MAGI2: variants seen among roughly 807,000 people sequenced by gnomAD.
MAGI2 encodes the protein membrane associated guanylate kinase, WW and PDZ domain containing 2, also known as membrane-associated guanylate kinase, WW and PDZ domain-containing protein 2.
MAGI2 carries 35 observed loss-of-function variants against 133.3 expected under a neutral mutation model. The ratio of observed to expected loss-of-function variants is 0.26; its 90% confidence interval spans 0.20 to 0.35. The LOEUF (loss-of-function observed/expected upper bound fraction) is 0.35, where lower values mean the gene tolerates loss of function less well. Ranked by LOEUF, MAGI2 falls within the 10% of genes least tolerant of loss-of-function variation. The pLI, the probability that MAGI2 is intolerant of heterozygous loss-of-function variation, is 1.00. For synonymous variants in MAGI2, 729 were observed against 710.6 expected, an observed-to-expected ratio of 1.03 and a Z score of -0.41; for missense variants, 1,636 against 1,863.4, an observed-to-expected ratio of 0.88 and a Z score of 2.25.
chr7:78,527,022 A>AG (rs1201989414), intron 3 of MAGI2, among the ~76,000 whole-genome samples: 1,872 of 148,422 alleles, frequency 0.013, 25 homozygotes, highest in African/African-American at 0.019. Context: ...AAAAAAAAAA[A>AG]AAAAAAAAAA....
intron 1 of MAGI2, chr7:79,353,303 T>A: frequency 2.7e-6 from 1 of 371,508 alleles, no homozygotes; most frequent in South Asian, 2.0e-5. Flanking sequence ...CCTGAACACA[T>A]TCACGATGAA....
chr7:78,937,527 A>C (rs1180829114), intron 2 of MAGI2, among the ~76,000 whole-genome samples: 1 of 152,178 alleles, frequency 6.6e-6, no homozygotes, highest in Non-Finnish European at 1.5e-5. Context: ...TACTTATCAA[A>C]GAGGAAAATG....
chr7:78,619,801 A>G (rs944778990), intron 3 of MAGI2, among the ~76,000 whole-genome samples: 3 of 151,970 alleles, frequency 2.0e-5, no homozygotes, highest in African/African-American at 4.8e-5. Context: ...CTGGCATTAT[A>G]AAACCTTAAA....
chr7:78,275,768 A>AACTGGCAGTCAGTTAACTG (rs1376971139), intron 9 of MAGI2, among the ~76,000 whole-genome samples: 1 of 152,214 alleles, frequency 6.6e-6, no homozygotes, highest in Non-Finnish European at 1.5e-5. Context: ...GACTGGATAT[A>AACTGGCAGTCAGTTAACTG]CCAGTTAACT....
Position 78,481,851 on chromosome 7 carries a change from T to C in MAGI2, c.1045+7910A>G, listed in dbSNP as rs78121071. ...AAAAAAATTGGGACCTGGGGCTAGATTGAAGAGTTCTTAGACTTGATACCA... is the reference window on the plus strand; with the variant it reads ...AAAAAAATTGGGACCTGGGGCTAGACTGAAGAGTTCTTAGACTTGATACCA... On this transcript the variant is annotated intron_variant, in intron 6 of 21. Transcript: ENST00000354212. 8.2e-3 allele frequency among the ~76,000 whole-genome samples: 1,253 copies of C among 151,988 alleles called. 31 individuals are homozygous for C. In the East Asian group the frequency reaches 0.09, roughly 11 times the overall value.
intron 2 of MAGI2, among the ~76,000 whole-genome samples, chr7:78,784,514 A>G (rs753140631): frequency 5.3e-5 from 8 of 152,226 alleles, no homozygotes. Flanking sequence ...GGGGTTGGCC[A>G]TAAAGACATT....
intron 6 of MAGI2, among the ~76,000 whole-genome samples, chr7:78,424,902 A>T (rs1799143585): frequency 6.6e-6 from 1 of 152,110 alleles, no homozygotes; most frequent in South Asian, 2.1e-4. Flanking sequence ...GACAGAAGGG[A>T]CTTGTCTTGT....
chr7:78,387,182 T>C (rs978351270), intron 6 of MAGI2, among the ~76,000 whole-genome samples: 5 of 152,202 alleles, frequency 3.3e-5, no homozygotes, highest in African/African-American at 1.2e-4. Flanking sequence ...TCTGCTCAAG[T>C]GGAGATGTAA....
intron 1 of MAGI2, among the ~76,000 whole-genome samples, chr7:79,197,966 G>C (rs77497957): frequency 1.3e-5 from 2 of 151,912 alleles, no homozygotes; most frequent in Non-Finnish European, 2.9e-5. Flanking sequence ...TAGCAAGAGG[G>C]CTGGGGGTGG....
At chr7:78,209,090 C>G (rs1434049252) in intron 10 of MAGI2, among the ~76,000 whole-genome samples, 3 of 130,664 alleles carry the variant, frequency 2.3e-5, no homozygotes, top group African/African-American at 8.0e-5. Context: ...GGCGTGGTGG[C>G]GGGCGCCTGT....
intron 1 of MAGI2, among the ~76,000 whole-genome samples, chr7:79,049,280 T>A (rs934987429): frequency 6.6e-6 from 1 of 152,148 alleles, no homozygotes; most frequent in South Asian, 2.1e-4. Flanking sequence ...ATAAGACTTT[T>A]TTTTCCCCCT....
intron 1 of MAGI2, among the ~76,000 whole-genome samples, chr7:79,162,027 ATT>A (rs1444799846): frequency 1.3e-5 from 2 of 152,010 alleles, no homozygotes; most frequent in African/African-American, 4.8e-5. Flanking sequence ...TTGCACACTA[ATT>A]GGTCTTGCTA....
At chr7:79,397,613 T>C (rs1845153611) in intron 1 of MAGI2, among the ~76,000 whole-genome samples, 2 of 152,144 alleles carry the variant, frequency 1.3e-5, no homozygotes, top group African/African-American at 4.8e-5. Context: ...AACCAGCTTT[T>C]AGTATTAACA....
intron 6 of MAGI2, among the ~76,000 whole-genome samples, chr7:78,449,223 A>G (rs1260373948): frequency 6.6e-6 from 1 of 151,964 alleles, no homozygotes; most frequent in Non-Finnish European, 1.5e-5. Flanking sequence ...AAGGAGTGGG[A>G]CAAGAGAGTT....
intron 6 of MAGI2, 67 bp downstream of exon 6, chr7:78,489,694 C>T (rs947392584): frequency 8.4e-7 from 1 of 1,195,384 alleles, no homozygotes; most frequent in Admixed American, 1.8e-5. Context: ...AGGTGAGACT[C>T]TCATTTAAGA....
chr7:78,127,162 G>A, intron 19 of MAGI2, 35 bp downstream of exon 19: 1 of 1,479,934 alleles, frequency 6.8e-7, no homozygotes, highest in Non-Finnish European at 9.1e-7. Flanking sequence ...TGGAAGCCTT[G>A]GTCAGGACCC....
At chr7:78,818,234 T>C (rs1185715523) in intron 2 of MAGI2, among the ~76,000 whole-genome samples, 1 of 152,220 alleles carries the variant, frequency 6.6e-6, no homozygotes, top group African/African-American at 2.4e-5. Context: ...AAGTACCTTA[T>C]ATATAACAAA....
chr7:79,294,165 G>A (rs1474808613), intron 1 of MAGI2, among the ~76,000 whole-genome samples: 3 of 139,794 alleles, frequency 2.1e-5, no homozygotes, highest in East Asian at 2.1e-4. Flanking sequence ...GCAACAGAGT[G>A]AGACTCCGTC....
intron 10 of MAGI2, among the ~76,000 whole-genome samples, chr7:78,243,468 A>T (rs1209129594): frequency 6.6e-6 from 1 of 152,320 alleles, no homozygotes; most frequent in East Asian, 1.9e-4. Context: ...TTATCTGTGC[A>T]GTTTAAAAAT....
Sources: gnomAD v4.1 joint callset for allele counts (sites outside exome capture counted in the v4.1 genomes callset) on GRCh38, gnomAD v4.1.1 for gene constraint, MANE v1.5 for transcripts, NCBI Gene and HGNC (gene_info 2026-07-23, HGNC 2026-07-21) for gene names.